Variants in FNDC3B observed in about 807,000 individuals in gnomAD.
FNDC3B encodes fibronectin type III domain containing 3B.
FNDC3B carries 12 observed loss-of-function variants against 151.5 expected under a neutral mutation model. That is an observed-to-expected ratio of 0.08 (90% confidence interval 0.05 to 0.13). The LOEUF (loss-of-function observed/expected upper bound fraction) is 0.13. Among genes scored for constraint, FNDC3B ranks in the 10% least tolerant of loss-of-function variants. FNDC3B has a pLI of 1.00. For synonymous variants in FNDC3B, 528 were observed against 549.0 expected, an observed-to-expected ratio of 0.96 and a Z score of 0.54; for missense variants, 1,214 against 1,505.3, an observed-to-expected ratio of 0.81 and a Z score of 3.20.
At chr3:172,080,316 G>T (rs1718217406) in intron 1 of FNDC3B, among the ~76,000 whole-genome samples, 1 of 152,026 alleles carries the variant, frequency 6.6e-6, no homozygotes, top group Non-Finnish European at 1.5e-5. Flanking sequence ...TGTCACTCAG[G>T]CTGGGGTGCA....
At chr3:172,376,842 GC>G (rs1735167538) in intron 23 of FNDC3B, among the ~76,000 whole-genome samples, 1 of 146,674 alleles carries the variant, frequency 6.8e-6, no homozygotes, top group Admixed American at 6.9e-5. Context: ...ACTCTGACAG[GC>G]TTTGTTAAAA....
At chr3:172,317,122 T>G (rs1731824763) in intron 11 of FNDC3B, 1 of 444,008 alleles carries the variant, frequency 2.3e-6, no homozygotes, top group Non-Finnish European at 4.5e-6. Flanking sequence ...AATCACCTTT[T>G]CAAGGAAAAA....
In FNDC3B at chr3:172,093,052, AAGCG is replaced by A. The variant is rs112824250; in HGVS notation, c.-28-19398_-28-19395del. On this transcript the variant is annotated intron_variant, in intron 1 of 25. Coordinates refer to ENST00000415807, the MANE Select transcript of FNDC3B (RefSeq NM_022763.4). Reference sequence around the variant, plus strand: ...AGGCTGGTCTTGAACTACTGGGCTCAAGCGATCCTCCCACCTTGGCCTCCCAAAG... The same window carrying A: ...AGGCTGGTCTTGAACTACTGGGCTCAATCCTCCCACCTTGGCCTCCCAAAG... Among the ~76,000 whole-genome samples, 104 of 152,176 alleles carry A rather than the reference AAGCG, an allele frequency of 6.8e-4. 1 individual carries two copies. The highest frequency in any genetic ancestry group is 2.4e-3 in the African/African-American group (100 of 41,526).
chr3:172,168,705 A>G (rs1302804962), intron 3 of FNDC3B, among the ~76,000 whole-genome samples: 2 of 141,940 alleles, frequency 1.4e-5, no homozygotes, highest in African/African-American at 5.4e-5. Flanking sequence ...GCTGCTGTGT[A>G]TCTTTTTCTT....
At chr3:172,111,567 T>A (rs1286968342) in intron 1 of FNDC3B, among the ~76,000 whole-genome samples, 1 of 152,212 alleles carries the variant, frequency 6.6e-6, no homozygotes, top group Non-Finnish European at 1.5e-5. Context: ...AAGTTTATAA[T>A]CTCTTGGGTG....
At chr3:172,076,234 A>T (rs765449078) in intron 1 of FNDC3B, among the ~76,000 whole-genome samples, 14 of 152,166 alleles carry the variant, frequency 9.2e-5, no homozygotes, top group Non-Finnish European at 1.6e-4. Context: ...TATATTACAC[A>T]TTTATTCTAC....
At chr3:172,082,994 G>A (rs1718360714) in intron 1 of FNDC3B, among the ~76,000 whole-genome samples, 1 of 152,192 alleles carries the variant, frequency 6.6e-6, no homozygotes, top group Admixed American at 6.5e-5. Context: ...TAGTGATAAA[G>A]TACAAAGGAA....
chr3:172,148,182 T>C (rs1057217251), intron 3 of FNDC3B, among the ~76,000 whole-genome samples: 9 of 152,116 alleles, frequency 5.9e-5, no homozygotes, highest in Admixed American at 5.9e-4. Flanking sequence ...TTGCCAGAGA[T>C]ATCGTTAGGT....
intron 2 of FNDC3B, among the ~76,000 whole-genome samples, chr3:172,120,039 A>G (rs1050643209): frequency 6.6e-6 from 1 of 152,234 alleles, no homozygotes; most frequent in South Asian, 2.1e-4. Flanking sequence ...GGCATAGCCT[A>G]TGCAGAATCT....
At chr3:172,356,864 G>T (rs1734121542) in intron 22 of FNDC3B, among the ~76,000 whole-genome samples, 1 of 152,054 alleles carries the variant, frequency 6.6e-6, no homozygotes, top group Non-Finnish European at 1.5e-5. Context: ...TCCTACCCTA[G>T]CCCTTTACCT....
intron 25 of FNDC3B, among the ~76,000 whole-genome samples, chr3:172,384,175 A>G (rs546625873): frequency 9.8e-5 from 15 of 152,364 alleles, no homozygotes; most frequent in Admixed American, 5.9e-4. Flanking sequence ...CTTTGTTAAT[A>G]TGATGTATCA....
intron 11 of FNDC3B, chr3:172,316,383 A>G (rs1251659774): frequency 2.2e-6 from 1 of 454,208 alleles, no homozygotes; most frequent in Non-Finnish European, 4.4e-6. Context: ...AGGATTGAGG[A>G]TATAGAGGGC....
At chr3:172,128,171 C>T (rs142363081) in intron 2 of FNDC3B, among the ~76,000 whole-genome samples, 128 of 152,164 alleles carry the variant, frequency 8.4e-4, no homozygotes, top group African/African-American at 3.0e-3. Context: ...GCTTAGGTCC[C>T]CTTGGAGGCT....
chr3:172,335,223 G>A, intron 15 of FNDC3B, 141 bp downstream of exon 15: 1 of 691,470 alleles, frequency 1.4e-6, no homozygotes, highest in Non-Finnish European at 2.2e-6. Context: ...GAATATATGT[G>A]TGAGAAACAT....
At chr3:172,155,072 G>T (rs1195144571) in intron 3 of FNDC3B, among the ~76,000 whole-genome samples, 2 of 152,122 alleles carry the variant, frequency 1.3e-5, no homozygotes, top group Non-Finnish European at 2.9e-5. Flanking sequence ...AGAGCCCTTA[G>T]CATTTTAAAG....
At chr3:172,202,463 A>G (rs1725205686) in intron 3 of FNDC3B, among the ~76,000 whole-genome samples, 1 of 152,220 alleles carries the variant, frequency 6.6e-6, no homozygotes, top group African/African-American at 2.4e-5. Flanking sequence ...AGAACTACAC[A>G]TGATAGTAGT....
chr3:172,173,540 A>G (rs1723385861), intron 3 of FNDC3B, among the ~76,000 whole-genome samples: 1 of 151,754 alleles, frequency 6.6e-6, no homozygotes, highest in Non-Finnish European at 1.5e-5. Flanking sequence ...CACACCTGTA[A>G]TACCAGCACT....
intron 7 of FNDC3B, among the ~76,000 whole-genome samples, chr3:172,287,114 T>C (rs1730062998): frequency 6.6e-6 from 1 of 152,202 alleles, no homozygotes; most frequent in African/African-American, 2.4e-5. Context: ...GCCTTCCTGA[T>C]TGCTGTCCAT....
chr3:172,097,311 GT>G (rs1262424696), intron 1 of FNDC3B, among the ~76,000 whole-genome samples: 1 of 152,166 alleles, frequency 6.6e-6, no homozygotes, highest in African/African-American at 2.4e-5. Flanking sequence ...GGCTGGTTTT[GT>G]AAATGTTACC....
Sources: allele counts gnomAD v4.1 joint callset (sites outside exome capture counted in the v4.1 genomes callset), GRCh38; gene constraint gnomAD v4.1.1; transcripts MANE v1.5; gene names NCBI Gene and HGNC (gene_info 2026-07-23, HGNC 2026-07-21).